Variants in ABCA13 observed in about 807,000 individuals in gnomAD.
ABCA13 encodes the protein ATP-binding cassette sub-family A member 13.
ABCA13 carries 476 observed loss-of-function variants against 478.7 expected under a neutral mutation model. That is an observed-to-expected ratio of 0.99 (90% CI 0.92 to 1.07). ABCA13 has a LOEUF of 1.07. Ranked by LOEUF, ABCA13 falls within the 50% of genes least tolerant of loss-of-function variation. ABCA13 has a pLI of 0.00. For missense variants in ABCA13, 6,060 were observed against 5,910.6 expected (o/e 1.03, Z -0.83); for synonymous variants, 2,252 against 2,158.9 (o/e 1.04, Z -1.20).
At chr7:48,192,880 T>G in intron 1 of ABCA13, 79 bp from the exon 2 acceptor site, 1 of 1,112,256 alleles carries the variant, frequency 9.0e-7, no homozygotes, top group Non-Finnish European at 1.3e-6. Context: ...GGGATTAAAA[T>G]GACCTCCTTC....
chr7:48,306,494 G>T (rs568733065), intron 23 of ABCA13, among the ~76,000 whole-genome samples: 11 of 152,262 alleles, frequency 7.2e-5, no homozygotes, highest in African/African-American at 2.6e-4. Context: ...AGCCTATTTT[G>T]TGGGACTGAT....
At chr7:48,629,539 A>AC (rs1460238852) in intron 59 of ABCA13, among the ~76,000 whole-genome samples, 2 of 151,550 alleles carry the variant, frequency 1.3e-5, no homozygotes, top group African/African-American at 4.9e-5. Context: ...TTATAAAAGA[A>AC]CAAAAAAAAT....
intron 59 of ABCA13, among the ~76,000 whole-genome samples, chr7:48,637,035 G>A (rs564075555): frequency 5.3e-4 from 81 of 152,196 alleles, no homozygotes; most frequent in Admixed American, 1.4e-3. Context: ...TATTTGCAAA[G>A]CCTTTGAAAA....
chr7:48,405,635 G>A (rs1003823064), intron 39 of ABCA13, among the ~76,000 whole-genome samples: 2 of 152,206 alleles, frequency 1.3e-5, no homozygotes, highest in African/African-American at 2.4e-5. Flanking sequence ...GTGAATTGTG[G>A]TGCAAATTAA....
intron 58 of ABCA13, chr7:48,603,852 C>T (rs1480463503): frequency 3.3e-5 from 5 of 152,270 alleles, no homozygotes; most frequent in Admixed American, 2.6e-4. Context: ...GTGAATTCGT[C>T]TGGTCCTGGA....
chr7:48,222,075 T>A (rs1787445436), intron 5 of ABCA13, among the ~76,000 whole-genome samples: 1 of 152,026 alleles, frequency 6.6e-6, no homozygotes, highest in African/African-American at 2.4e-5. Flanking sequence ...CATAAAACCA[T>A]TAGGAGAAAA....
intron 50 of ABCA13, among the ~76,000 whole-genome samples, chr7:48,510,473 G>A (rs1831577267): frequency 6.6e-6 from 1 of 152,172 alleles, no homozygotes; most frequent in African/African-American, 2.4e-5. Flanking sequence ...TTGGTTCTAC[G>A]TGTGTGGGAG....
At chr7:48,511,976 A>G (rs986113729) in intron 51 of ABCA13, among the ~76,000 whole-genome samples, 1 of 152,180 alleles carries the variant, frequency 6.6e-6, no homozygotes, top group Non-Finnish European at 1.5e-5. Context: ...ATCTAATTAG[A>G]GACAGAGTTT....
chr7:48,427,242 T>C (rs1405804065), intron 41 of ABCA13, among the ~76,000 whole-genome samples: 1 of 152,214 alleles, frequency 6.6e-6, no homozygotes, highest in African/African-American at 2.4e-5. Flanking sequence ...CTGCCTCCAC[T>C]ACTAACCAAG....
chr7:48,487,436 A>T (rs979821743), intron 47 of ABCA13, among the ~76,000 whole-genome samples: 9 of 152,212 alleles, frequency 5.9e-5, no homozygotes, highest in African/African-American at 1.9e-4. Context: ...CCATTCAGCC[A>T]AAGAAGCTCT....
intron 19 of ABCA13, among the ~76,000 whole-genome samples, chr7:48,282,357 T>G (rs1417411478): frequency 1.3e-5 from 2 of 152,218 alleles, no homozygotes; most frequent in Non-Finnish European, 2.9e-5. Flanking sequence ...ACAGAGGTGC[T>G]GCCATCCTCT....
At chr7:48,254,501 C>T (rs1793089781) in intron 15 of ABCA13, among the ~76,000 whole-genome samples, 1 of 152,060 alleles carries the variant, frequency 6.6e-6, no homozygotes, top group Admixed American at 6.6e-5. Flanking sequence ...AACTCCTGGG[C>T]TTAAGAGATT....
intron 53 of ABCA13, among the ~76,000 whole-genome samples, chr7:48,523,807 T>C (rs1306452235): frequency 1.3e-5 from 2 of 152,152 alleles, no homozygotes; most frequent in East Asian, 3.8e-4. Context: ...ATATAATCCT[T>C]TTATGCGATT....
chr7:48,263,198 T>G (rs559748316), intron 15 of ABCA13, among the ~76,000 whole-genome samples: 2 of 151,918 alleles, frequency 1.3e-5, no homozygotes, highest in Non-Finnish European at 2.9e-5. Context: ...AGAAGACGCC[T>G]AGATGACTTG....
intron 47 of ABCA13, among the ~76,000 whole-genome samples, chr7:48,486,132 A>T (rs916099032): frequency 2.0e-5 from 3 of 152,190 alleles, no homozygotes; most frequent in African/African-American, 7.2e-5. Flanking sequence ...TTGTTGAGAT[A>T]TGCTGCTCTC....
chr7:48,414,013 A>G (rs1197140590), intron 41 of ABCA13, among the ~76,000 whole-genome samples: 1 of 152,214 alleles, frequency 6.6e-6, no homozygotes, highest in Non-Finnish European at 1.5e-5. Flanking sequence ...TCTGTATTCC[A>G]TGCATCATCA....
intron 27 of ABCA13, among the ~76,000 whole-genome samples, chr7:48,321,145 T>A (rs1270393731): frequency 6.6e-6 from 1 of 152,100 alleles, no homozygotes; most frequent in African/African-American, 2.4e-5. Flanking sequence ...TGTGACAGTA[T>A]CTGAAGATAT....
Position 48,524,323 on chromosome 7 carries a change from T to A in ABCA13, c.14127T>A (p.Phe4709Leu). 6.2e-7 allele frequency: 1 copy of A among 1,613,244 alleles called. No homozygotes were observed. The highest frequency in any genetic ancestry group is 1.1e-5 in the South Asian group (1 of 90,966). ...TTGAAAAAGAGGAAAAGAGAGTGTT[T>A]GAAGGAAGGACCAATGGAGACATTC... ...TDVEKEEKRV[F>L]EGRTNGDILV... The change falls in exon 54 of 62, where the codon TTT (phenylalanine) becomes TTA (leucine). Residue 4709 changes from phenylalanine (F) to leucine (L), a missense_variant. Physicochemically the swap from Phe to Leu is conservative, Grantham distance 22. Transcript: ENST00000435803.
At chr7:48,365,231 CAG>C (rs1229976150) in intron 31 of ABCA13, among the ~76,000 whole-genome samples, 2 of 151,942 alleles carry the variant, frequency 1.3e-5, no homozygotes, top group African/African-American at 2.4e-5. Flanking sequence ...AATATTGAGT[CAG>C]ATCTTTTGCC....
Sources: gnomAD v4.1 joint callset for allele counts (sites outside exome capture counted in the v4.1 genomes callset) on GRCh38, gnomAD v4.1.1 for gene constraint, MANE v1.5 for transcripts, NCBI Gene and HGNC (gene_info 2026-07-23, HGNC 2026-07-21) for gene names.